Variants in IL7 observed in about 807,000 individuals in gnomAD.
IL7 encodes interleukin-7.
In IL7, 3 loss-of-function variants were observed where a neutral mutation model predicts 21.6. The ratio of observed to expected loss-of-function variants is 0.14; its 90% CI spans 0.06 to 0.36. The LOEUF is 0.36. Ranked by LOEUF, IL7 falls within the 10% of genes least tolerant of loss-of-function variation. The probability of loss-of-function intolerance (pLI) is 1.00; values close to 1 mark genes in which losing one functional copy is unlikely to be tolerated. For synonymous variants in IL7, 62 were observed against 68.1 expected, an observed-to-expected ratio of 0.91 and a Z score of 0.44; for missense variants, 175 against 200.2, an observed-to-expected ratio of 0.87 and a Z score of 0.76.
chr8:78,780,013 T>C lies in IL7; in HGVS notation c.147+18059A>G, dbSNP rs528473921. ...TATCCATTTCTTCTAGATTTTCTAA[T>C]TTATTTGCATAGAGGTGTTTATGGT... On this transcript the variant is annotated intron_variant, in intron 2 of 5. Transcript: ENST00000263851. Among the ~76,000 whole-genome samples the C allele has an allele frequency of 1.3e-4, 20 of 152,346 alleles. No individual in the cohort carries two copies. The South Asian group carries it at 3.7e-3, about 28-fold the overall frequency.
intron 3 of IL7, among the ~76,000 whole-genome samples, chr8:78,687,912 A>AAT (rs200421095): frequency 0.78 from 89,330 of 114,546 alleles, 37,854 homozygotes; most frequent in East Asian, 0.95. Flanking sequence ...TATTTATATA[A>AAT]ATATATAATT....
chr8:78,753,813 G>A (rs1006485409), intron 2 of IL7, among the ~76,000 whole-genome samples: 11 of 152,126 alleles, frequency 7.2e-5, no homozygotes, highest in Admixed American at 1.3e-4. Context: ...TTTTCCCAGC[G>A]CCATTTATTA....
rs1811728651 is a variant in IL7, at chr8:78,740,097, A to G, written c.148-15T>C. ...TTCATGCTGTCCTGTAATAAATAAC[A>G]TAAAATAATATGGTTAAAACTGAGT... On this transcript the variant is annotated splice_polypyrimidine_tract_variant and intron_variant, in intron 2 of 5. Coordinates refer to ENST00000263851, the MANE Select transcript of IL7 (RefSeq NM_000880.4). 1 of 1,403,320 alleles carries G rather than the reference A, an allele frequency of 7.1e-7. No individual in the cohort carries two copies. The highest frequency in any genetic ancestry group is 9.5e-7 in the Non-Finnish European group (1 of 1,057,900). The allele number at this position is 1,403,320 out of a possible 1,614,324, so 86.9% of individuals were successfully genotyped here.
intron 3 of IL7, among the ~76,000 whole-genome samples, chr8:78,721,646 A>C (rs1339819217): frequency 6.6e-6 from 1 of 152,042 alleles, no homozygotes; most frequent in Non-Finnish European, 1.5e-5. Flanking sequence ...ATTTTCACTC[A>C]TCAAATCAGC....
intron 2 of IL7, chr8:78,760,375 C>T: frequency 6.2e-7 from 1 of 1,610,028 alleles, no homozygotes; most frequent in Non-Finnish European, 8.5e-7. Context: ...GAAGAATACA[C>T]AGGACCTTCA....
At position 78,805,173 on chromosome 8, in the gene IL7, C is replaced by T; in HGVS notation, c.-251G>A. The T allele has an allele frequency of 2.2e-6, 1 of 457,414 alleles. No individual in the cohort carries two copies. The highest frequency in any genetic ancestry group is 3.7e-5 in the South Asian group (1 of 26,818). The allele number at this position is 457,414 out of a possible 1,614,324, so 28.3% of individuals were successfully genotyped here. A position where few individuals can be genotyped will look rare whatever the true frequency, so the allele number is the denominator to read the frequency against. ...CCATAACTTCCGTAGGATCCGCCAG[C>T]AGTGTACTTTCAGTTTCTACTTTGC... On this transcript the variant is annotated 5_prime_UTR_variant, in exon 1 of 6. Coordinates refer to ENST00000263851, the MANE Select transcript of IL7 (RefSeq NM_000880.4).
chr8:78,712,088 AGTTATTAC>A (rs1413273514), intron 3 of IL7: 1 of 1,288,104 alleles, frequency 7.8e-7, no homozygotes, highest in East Asian at 5.6e-5. Context: ...AAAAGACATG[AGTTATTAC>A]CTATTTACAA....
At chr8:78,728,300 C>A (rs890188553), downstream of IL7, among the ~76,000 whole-genome samples, 1 of 151,664 alleles carries the variant, frequency 6.6e-6, no homozygotes, top group African/African-American at 2.4e-5. Context: ...CATAGAAAGG[C>A]AAAGCAACTA....
chr8:78,769,134 T>A (rs1452706080), intron 2 of IL7, among the ~76,000 whole-genome samples: 1 of 151,752 alleles, frequency 6.6e-6, no homozygotes, highest in Non-Finnish European at 1.5e-5. Flanking sequence ...AAGACAGGGA[T>A]GCCCTCTCTC....
downstream of IL7, among the ~76,000 whole-genome samples, chr8:78,728,426 A>T (rs572986572): frequency 1.4e-3 from 213 of 152,162 alleles, no homozygotes; most frequent in Non-Finnish European, 2.6e-3. Context: ...GGATACATAG[A>T]TCATCAGAAC....
At chr8:78,761,129 G>A (rs1812540499) in intron 2 of IL7, 3 of 1,593,488 alleles carry the variant, frequency 1.9e-6, no homozygotes, top group African/African-American at 1.4e-5. Context: ...AATTTCAAAA[G>A]CATCATGCCT....
At chr8:78,722,119 T>C (rs1586041814) in intron 3 of IL7, among the ~76,000 whole-genome samples, 1 of 152,012 alleles carries the variant, frequency 6.6e-6, no homozygotes, top group South Asian at 2.1e-4. Context: ...ATTTTGTATA[T>C]TGTCAATTTT....
At chr8:78,752,349 A>G (rs1812203037) in intron 2 of IL7, among the ~76,000 whole-genome samples, 1 of 152,202 alleles carries the variant, frequency 6.6e-6, no homozygotes, top group Admixed American at 6.5e-5. Context: ...AGGAAACTTC[A>G]TACTGTTTTC....
downstream of IL7, chr8:78,717,605 T>G: frequency 8.3e-7 from 1 of 1,207,218 alleles, no homozygotes; most frequent in South Asian, 1.6e-5. Context: ...CGAAATACCA[T>G]TTCCAGTTAA....
At chr8:78,765,064 G>A (rs1812712363) in intron 2 of IL7, among the ~76,000 whole-genome samples, 1 of 152,076 alleles carries the variant, frequency 6.6e-6, no homozygotes, top group African/African-American at 2.4e-5. Flanking sequence ...AACGGGCAAA[G>A]GCAATAAAAT....
intron 3 of IL7, among the ~76,000 whole-genome samples, chr8:78,694,716 G>A (rs1383846019): frequency 6.6e-6 from 1 of 152,024 alleles, no homozygotes; most frequent in East Asian, 1.9e-4. Context: ...TGTCCTACAA[G>A]TTCTTTAGAC....
At chr8:78,773,446 T>C (rs1189273347) in intron 2 of IL7, among the ~76,000 whole-genome samples, 2 of 152,110 alleles carry the variant, frequency 1.3e-5, no homozygotes, top group Non-Finnish European at 2.9e-5. Context: ...CGGGAAGATT[T>C]GTGGAGCAAG....
intron 2 of IL7, chr8:78,761,774 T>C: frequency 3.1e-6 from 5 of 1,612,028 alleles, no homozygotes. Context: ...CTCAAACCGC[T>C]TTCTCAGAAC....
intron 2 of IL7, among the ~76,000 whole-genome samples, chr8:78,793,697 T>C (rs1268097203): frequency 1.3e-5 from 2 of 152,068 alleles, no homozygotes; most frequent in African/African-American, 2.4e-5. Flanking sequence ...ACAATGAAGT[T>C]TGCCACATAG....
Sources: gnomAD v4.1 joint callset for allele counts (sites outside exome capture counted in the v4.1 genomes callset) on GRCh38, gnomAD v4.1.1 for gene constraint, MANE v1.5 for transcripts, NCBI Gene and HGNC (gene_info 2026-07-23, HGNC 2026-07-21) for gene names.